KLHL3: variants seen among roughly 807,000 people sequenced by gnomAD.
KLHL3 encodes the protein kelch-like protein 3.
A neutral mutation model predicts 70.5 loss-of-function variants in KLHL3; 19 were observed. That is an observed-to-expected ratio of 0.27 (90% confidence interval 0.19 to 0.40). KLHL3 has a LOEUF of 0.40. Ranked by LOEUF, KLHL3 falls within the 10% of genes least tolerant of loss-of-function variation. The pLI is 1.00. For missense variants in KLHL3, 512 were observed against 771.1 expected, an observed-to-expected ratio of 0.66 and a Z score of 3.98; for synonymous variants, 258 against 290.3, an observed-to-expected ratio of 0.89 and a Z score of 1.13.
chr5:137,692,772 T>C, intron 4 of KLHL3: 1 of 276,466 alleles, frequency 3.6e-6, no homozygotes, highest in Non-Finnish European at 7.0e-6. Flanking sequence ...ACTCAAGTGA[T>C]GCTTGCAGTT....
At chr5:137,684,223 A>C (rs1436712737) in intron 5 of KLHL3, among the ~76,000 whole-genome samples, 2 of 152,262 alleles carry the variant, frequency 1.3e-5, no homozygotes, top group Non-Finnish European at 2.9e-5. Context: ...TCTTATACTT[A>C]AATGAACAAA....
At chr5:137,704,103 T>C (rs532919112) in intron 3 of KLHL3, among the ~76,000 whole-genome samples, 1 of 152,312 alleles carries the variant, frequency 6.6e-6, no homozygotes, top group African/African-American at 2.4e-5. Context: ...CACGCACCTA[T>C]GCAGTTAAGA....
chr5:137,641,725 T>C (rs1475279771), intron 8 of KLHL3, among the ~76,000 whole-genome samples: 1 of 152,178 alleles, frequency 6.6e-6, no homozygotes, highest in Non-Finnish European at 1.5e-5. Context: ...CCCACTGCCA[T>C]GTGGGTGGTC....
chr5:137,652,588 C>T (rs1254612338), intron 8 of KLHL3, among the ~76,000 whole-genome samples: 1 of 152,204 alleles, frequency 6.6e-6, no homozygotes, highest in East Asian at 1.9e-4. Context: ...CATACAATCT[C>T]ACTCATACGC....
chr5:137,628,334 C>T lies in KLHL3; in HGVS notation c.1554G>A (p.Lys518=). ...GGCACATGTTCATGTCTGCCACTTG[C>T]TTCCAGGTATTTGTTCCAGGATCGT... is the stretch of plus-strand genomic sequence containing the variant. ...EVYDPGTNTW[K]QVADMNMCRR... is the part of the protein sequence containing the mutation. Residue 518 remains lysine, a synonymous_variant, in exon 13 of 15, where the codon AAG becomes AAA. Coordinates refer to ENST00000309755, the MANE Select transcript of KLHL3 (RefSeq NM_017415.3). The T allele has an allele frequency of 6.2e-7, 1 of 1,614,140 alleles. No homozygotes were observed. The highest frequency in any genetic ancestry group is 1.1e-5 in the South Asian group (1 of 91,080).
At position 137,639,973 on chromosome 5, in the gene KLHL3, A is replaced by G; in HGVS notation, c.908T>C (p.Met303Thr). ...PRTPVSLPKV[M>T]IVVGGQAPKA... The stretch of plus-strand genomic sequence containing the variant: ...GGGTGCCTGGCCGCCAACCACAATC[A>G]TGACCTCCGGAGAGACAAGTGGACG... Residue 303 changes from methionine (M) to threonine (T), a missense_variant, in exon 9 of 15, where the codon ATG (methionine) becomes ACG (threonine). By Grantham distance (81) the Met-to-Thr change is moderately conservative. Coordinates refer to ENST00000309755, the MANE Select transcript of KLHL3 (RefSeq NM_017415.3). This position sits in a 1 kb window ranked among gnomAD's most constrained non-coding sequence, Gnocchi z 5.0. 6.2e-7 allele frequency: 1 copy of G among 1,614,102 alleles called. No individual in the cohort carries two copies. The highest frequency in any genetic ancestry group is 1.3e-5 in the African/African-American group (1 of 75,064).
chr5:137,623,201 C>T (rs1750365502), intron 14 of KLHL3, among the ~76,000 whole-genome samples: 1 of 152,192 alleles, frequency 6.6e-6, no homozygotes, highest in Non-Finnish European at 1.5e-5. Context: ...GTTTCTGGTG[C>T]CTGTTGCTAA....
Position 137,638,952 on chromosome 5 carries a change from C to G in KLHL3, c.1219+1G>C. 6.2e-7 allele frequency: 1 copy of G among 1,613,860 alleles called. No individual in the cohort carries two copies. Among genetic ancestry groups the G allele is most frequent in the Non-Finnish European group, 8.5e-7 (1 of 1,179,832 alleles). ...GGGTTGGGAACACACCCTAAACCTA[C>G]CAGTACTGCCATCAAAGCCTCCCAC... On this transcript the variant is annotated splice_donor_variant, in intron 10 of 14. Transcript: ENST00000309755. LOFTEE classifies it high-confidence loss of function.
At chr5:137,635,584 T>C (rs909762676) in intron 11 of KLHL3, among the ~76,000 whole-genome samples, 1 of 152,156 alleles carries the variant, frequency 6.6e-6, no homozygotes, top group African/African-American at 2.4e-5. Flanking sequence ...AATGAGATGA[T>C]GAGAGGGAGG....
intron 5 of KLHL3, among the ~76,000 whole-genome samples, chr5:137,686,636 T>G (rs1752171991): frequency 6.6e-6 from 1 of 152,110 alleles, no homozygotes; most frequent in Non-Finnish European, 1.5e-5. Context: ...CCCCTGCACT[T>G]ACAGTAGAGT....
At chr5:137,650,003 C>A (rs951067733) in intron 8 of KLHL3, among the ~76,000 whole-genome samples, 7 of 152,100 alleles carry the variant, frequency 4.6e-5, no homozygotes, top group African/African-American at 1.7e-4. Context: ...GTAATAAAGA[C>A]AAAATAAGAT....
chr5:137,634,174 G>C lies in KLHL3; in HGVS notation c.1322-9C>G, dbSNP rs748835764. On this transcript the variant is annotated splice_polypyrimidine_tract_variant and intron_variant, in intron 11 of 14. Transcript: ENST00000309755. ...AACAGCATATAGCTTCCCTGCAATA[G>C]ACAAAGTGGCTGAGTGTGGTGCCAG... is the stretch of plus-strand genomic sequence containing the variant. The C allele has an allele frequency of 6.3e-7, 1 of 1,599,546 alleles. No individual in the cohort carries two copies. Among genetic ancestry groups the C allele is most frequent in the Non-Finnish European group, 8.5e-7 (1 of 1,171,532 alleles).
intron 8 of KLHL3, among the ~76,000 whole-genome samples, chr5:137,653,901 G>A (rs992626417): frequency 6.6e-6 from 1 of 152,216 alleles, no homozygotes; most frequent in East Asian, 1.9e-4. Context: ...ACAATGGAAT[G>A]TTACTTAGTG....
chr5:137,664,827 A>G (rs571961938), intron 6 of KLHL3, among the ~76,000 whole-genome samples: 2 of 151,856 alleles, frequency 1.3e-5, no homozygotes, highest in South Asian at 2.1e-4. Context: ...TTAAAAAAAT[A>G]ATAATAATAA....
chr5:137,727,489 A>AGCCT (rs1348983242), intron 1 of KLHL3, among the ~76,000 whole-genome samples: 1 of 152,216 alleles, frequency 6.6e-6, no homozygotes, highest in East Asian at 1.9e-4. Context: ...TCAGGGACCT[A>AGCCT]GCCTGGCCCT....
Position 137,639,733 on chromosome 5 carries a change from A to C in KLHL3, c.1021+127T>G. ...AACCAAAAAAAAAAAAAAAGTGTGC[A>C]GGAGGGAAACGAATGGGAGCCTGAA... On this transcript the variant is annotated intron_variant, in intron 9 of 14. Coordinates refer to ENST00000309755, the MANE Select transcript of KLHL3 (RefSeq NM_017415.3). The surrounding 1 kb of genome is among the most constrained non-coding windows in gnomAD (Gnocchi z 5.0). The C allele has an allele frequency of 1.9e-5, 12 of 617,364 alleles. No individual in the cohort carries two copies. The highest frequency in any genetic ancestry group is 2.9e-5 in the East Asian group (1 of 35,084). The allele number at this position is 617,364 out of a possible 1,614,324, so 38.2% of individuals were successfully genotyped here. A position where few individuals can be genotyped will look rare whatever the true frequency, so the allele number is the denominator to read the frequency against.
intron 8 of KLHL3, among the ~76,000 whole-genome samples, chr5:137,646,573 G>A (rs906780097): frequency 2.0e-5 from 3 of 152,100 alleles, no homozygotes; most frequent in African/African-American, 7.2e-5. Flanking sequence ...TCACATCTCT[G>A]AAATCACAAA....
intron 14 of KLHL3, among the ~76,000 whole-genome samples, chr5:137,623,879 G>C (rs983494586): frequency 6.6e-6 from 1 of 152,146 alleles, no homozygotes; most frequent in Non-Finnish European, 1.5e-5. Context: ...GCAGAGCTGG[G>C]ATTCAAATTC....
At chr5:137,721,667 ATGG>A in intron 1 of KLHL3, among the ~76,000 whole-genome samples, 1 of 152,348 alleles carries the variant, frequency 6.6e-6, no homozygotes, top group East Asian at 1.9e-4. Context: ...AGACAAGGGT[ATGG>A]TGGCTCATGC....
Sources: allele counts gnomAD v4.1 joint callset (sites outside exome capture counted in the v4.1 genomes callset), GRCh38; gene constraint gnomAD v4.1.1; non-coding constraint Gnocchi (gnomAD v3.1); transcripts MANE v1.5; gene names NCBI Gene and HGNC (gene_info 2026-07-23, HGNC 2026-07-21).